The following IRF6 variants were observed in gnomAD, a reference collection of about 807,000 sequenced individuals.
IRF6 encodes the protein interferon regulatory factor 6.
Under a neutral mutation model 51.4 loss-of-function variants are expected in IRF6, and 6 were observed. The observed-to-expected ratio is 0.12, with a 90% CI of 0.06 to 0.23. The LOEUF is 0.23. Ranked by LOEUF, IRF6 falls within the 10% of genes least tolerant of loss-of-function variation. The pLI is 1.00. For synonymous variants in IRF6, 178 were observed against 215.7 expected (o/e 0.83, Z 1.53); for missense variants, 348 against 585.2 (o/e 0.59, Z 4.18).
chr1:209,799,458 C>T (rs2077926141), intron 3 of IRF6, among the ~76,000 whole-genome samples: 1 of 152,216 alleles, frequency 6.6e-6, no homozygotes. Flanking sequence ...ATAATGGACA[C>T]AGACACCCAT....
In IRF6 at chr1:209,788,544, T is replaced by C; in HGVS notation, c.1280A>G (p.Asp427Gly). Residue 427 changes from aspartate (D) to glycine (G), a missense_variant, in exon 9 of 9, where the codon GAC (aspartate) becomes GGC (glycine). By Grantham distance (94) the Asp-to-Gly change is moderately conservative. Transcript: ENST00000367021. ...CTGAGCAACGATGTTATCCTTGATGTCTGGGGTTGAGATCTGCAGGCGGAC... is the reference window on the plus strand; with the variant it reads ...CTGAGCAACGATGTTATCCTTGATGCCTGGGGTTGAGATCTGCAGGCGGAC... ...GSVRLQISTP[D>G]IKDNIVAQLK... 6.2e-7 allele frequency: 1 copy of C among 1,614,136 alleles called. No individual in the cohort carries two copies. Among genetic ancestry groups the C allele is most frequent in the Non-Finnish European group, 8.5e-7 (1 of 1,180,020 alleles).
At position 209,787,747 on chromosome 1, in the gene IRF6, C is replaced by G. The variant is rs1178341735; in HGVS notation, c.*673G>C. 6.6e-6 allele frequency: 1 copy of G among 152,292 alleles called. No individual in the cohort carries two copies. The highest frequency in any genetic ancestry group is 1.5e-5 in the Non-Finnish European group (1 of 68,176). 9.4% of individuals were successfully genotyped at this position (152,292 alleles called of 1,614,324 possible). On this transcript the variant is annotated 3_prime_UTR_variant, in exon 9 of 9. Transcript: ENST00000367021. ...TAGAAGCCAAATTTGTGAGCTTTCA[C>G]TCCACAGGCTGGGTGACTTTCAGAC...
chr1:209,804,969 T>G (rs1374041921), intron 1 of IRF6, among the ~76,000 whole-genome samples: 2 of 152,214 alleles, frequency 1.3e-5, no homozygotes, highest in African/African-American at 2.4e-5. Flanking sequence ...CTTCCCTGTT[T>G]AGCCCTGCTT....
intron 8 of IRF6, 41 bp downstream of exon 8, chr1:209,789,626 C>G: frequency 1.4e-6 from 2 of 1,464,658 alleles, no homozygotes; most frequent in African/African-American, 2.8e-5. Flanking sequence ...TAAGCATTGG[C>G]AAAAAGATGA....
rs1404291807 is a variant in IRF6, at chr1:209,801,419, G to A, written c.-3-3C>T. The A allele has an allele frequency of 1.3e-6, 2 of 1,571,196 alleles. No individual in the cohort carries two copies. Among genetic ancestry groups the A allele is most frequent in the South Asian group, 2.3e-5 (2 of 85,702 alleles). On this transcript the variant is annotated splice_region_variant and splice_polypyrimidine_tract_variant and intron_variant, in intron 2 of 8. Transcript: ENST00000367021. ...CTGCGGGGGTGGAGGGCCATGATCT[G>A]GGGGGGTCAGAGGGAGAAATGGGAA...
chr1:209,790,481 G>A lies in IRF6; in HGVS notation c.1060+14C>T. The A allele has an allele frequency of 6.2e-7, 1 of 1,613,050 alleles. No homozygotes were observed. The highest frequency in any genetic ancestry group is 8.5e-7 in the Non-Finnish European group (1 of 1,179,738). ...GAGTGATTCCCACGATCAACTTTCTGAGAAATGACTTACCGCTAAGGAATG... is the reference window on the plus strand; with the variant it reads ...GAGTGATTCCCACGATCAACTTTCTAAGAAATGACTTACCGCTAAGGAATG... On this transcript the variant is annotated intron_variant, in intron 7 of 8. Coordinates refer to ENST00000367021, the MANE Select transcript of IRF6 (RefSeq NM_006147.4). The surrounding 1 kb of genome is among the most constrained non-coding windows in gnomAD (Gnocchi z 4.8).
chr1:209,786,945 G>A lies in IRF6; in HGVS notation c.*1475C>T, dbSNP rs1192174734. 6.6e-6 allele frequency: 1 copy of A among 152,278 alleles called. No individual in the cohort carries two copies. Among genetic ancestry groups the A allele is most frequent in the Non-Finnish European group, 1.5e-5 (1 of 68,122 alleles). The allele number at this position is 152,278 out of a possible 1,614,324, so 9.4% of individuals were successfully genotyped here. On this transcript the variant is annotated 3_prime_UTR_variant, in exon 9 of 9. Coordinates refer to ENST00000367021, the MANE Select transcript of IRF6 (RefSeq NM_006147.4). ...ATAGGCATCACTATTCAAGAGGACT[G>A]GGGCTTGCAACCACAGATTAGCATC...
intron 1 of IRF6, among the ~76,000 whole-genome samples, chr1:209,805,213 C>A (rs1311019239): frequency 6.6e-6 from 1 of 152,276 alleles, no homozygotes; most frequent in East Asian, 1.9e-4. Context: ...TGACATCCAC[C>A]AAGAGAACAG....
At position 209,788,471 on chromosome 1, in the gene IRF6, G is replaced by A; in HGVS notation, c.1353C>T (p.Pro451=). 1 of 1,614,106 alleles carries A rather than the reference G, an allele frequency of 6.2e-7. No homozygotes were observed. The highest frequency in any genetic ancestry group is 1.1e-5 in the South Asian group (1 of 91,084). Reference sequence around the variant, plus strand: ...GTTGCATGCTGGGGGTGGGCTGCATGGGCTGCCAGCTCTCCTGGGTTTGAA... The same window carrying A: ...GTTGCATGCTGGGGGTGGGCTGCATAGGCTGCCAGCTCTCCTGGGTTTGAA... ...RILQTQESWQ[P]MQPTPSMQLP... is the part of the protein sequence containing the mutation. The change falls in exon 9 of 9, where the codon CCC becomes CCT. Residue 451 remains proline, a synonymous_variant. Coordinates refer to ENST00000367021, the MANE Select transcript of IRF6 (RefSeq NM_006147.4).
Position 209,795,339 on chromosome 1 carries a change from C to A in IRF6, c.459G>T (p.Ser153=), listed in dbSNP as rs2013162. ...TGTCCTGGATGGGAACATGGTGCTGCGACTGATCCAGCTCATCTTCCTCAT... is the reference window on the plus strand; with the variant it reads ...TGTCCTGGATGGGAACATGGTGCTGAGACTGATCCAGCTCATCTTCCTCAT... ...EEDEEDELDQ[S]QHHVPIQDTF... is the part of the protein sequence containing the mutation. The change falls in exon 5 of 9, where the codon TCG becomes TCT. Residue 153 remains serine (S), a synonymous_variant. Coordinates refer to ENST00000367021, the MANE Select transcript of IRF6 (RefSeq NM_006147.4). 618,213 of 1,613,602 alleles carry A rather than the reference C, an allele frequency of 0.38. 121,060 individuals carry two copies. Among genetic ancestry groups the A allele is most frequent in the East Asian group, 0.57 (25,504 of 44,870 alleles).
intron 5 of IRF6, 65 bp downstream of exon 5, chr1:209,795,225 A>G (rs1036122800): frequency 1.9e-6 from 3 of 1,574,098 alleles, no homozygotes; most frequent in Admixed American, 1.7e-5. Flanking sequence ...ATGTATTGAC[A>G]GTCCCAAGGT....
Position 209,801,183 on chromosome 1 carries a change from CAAAAAAAAA to C in IRF6, c.174+48_174+56del, listed in dbSNP as rs35878470. 3.3e-4 allele frequency: 348 copies of C among 1,046,020 alleles called. 2 individuals are homozygous for C. The African/African-American group carries it at 6.6e-3, about 20-fold the overall frequency. 64.8% of individuals were successfully genotyped at this position (1,046,020 alleles called of 1,614,324 possible). Reference sequence around the variant, plus strand: ...TTTAGATCTAGTGTATTCCCCATGCCAAAAAAAAAAAAAAAAAAAAATCCAGAAAGGTCT... The same window carrying C: ...TTTAGATCTAGTGTATTCCCCATGCCAAAAAAAAAAAATCCAGAAAGGTCT... On this transcript the variant is annotated intron_variant, in intron 3 of 8. Transcript: ENST00000367021.
intron 4 of IRF6, among the ~76,000 whole-genome samples, chr1:209,795,714 T>C (rs1184568482): frequency 6.6e-6 from 1 of 152,240 alleles, no homozygotes; most frequent in Non-Finnish European, 1.5e-5. Flanking sequence ...ATCCTATGAA[T>C]TAAACGATCA....
At chr1:209,798,595 C>T (rs185231751) in intron 3 of IRF6, among the ~76,000 whole-genome samples, 5 of 152,172 alleles carry the variant, frequency 3.3e-5, no homozygotes, top group Admixed American at 6.5e-5. Flanking sequence ...AGAGCCGTAT[C>T]GTTTAAGACT....
At position 209,785,974 on chromosome 1, in the gene IRF6, TA is replaced by T. The variant is rs146572469; in HGVS notation, c.*2445del. 6.6e-6 allele frequency: 1 copy of T among 152,318 alleles called. No individual in the cohort carries two copies. The highest frequency in any genetic ancestry group is 1.5e-5 in the Non-Finnish European group (1 of 68,046). The allele number at this position is 152,318 out of a possible 1,614,324, so 9.4% of individuals were successfully genotyped here. ...CAGTTTACCTCCAGTAGGTTCTTTT[TA>T]ACTTGAACTAATCTTGTTTGGTGGG... is the stretch of plus-strand genomic sequence containing the variant. On this transcript the variant is annotated 3_prime_UTR_variant, in exon 9 of 9. Coordinates refer to ENST00000367021, the MANE Select transcript of IRF6 (RefSeq NM_006147.4).
chr1:209,804,660 T>C (rs1044951302), intron 1 of IRF6, among the ~76,000 whole-genome samples: 2 of 152,136 alleles, frequency 1.3e-5, no homozygotes, highest in African/African-American at 4.8e-5. Context: ...AACCTATCTA[T>C]TCCCCTCACA....
chr1:209,794,451 AG>A (rs1408149421), intron 5 of IRF6, among the ~76,000 whole-genome samples: 1 of 152,228 alleles, frequency 6.6e-6, no homozygotes, highest in African/African-American at 2.4e-5. Flanking sequence ...TGATTCTCAA[AG>A]GTAGAGGCAT....
At chr1:209,802,214 G>C (rs1032983794) in intron 1 of IRF6, 171 bp from the exon 2 acceptor site, 2 of 152,246 alleles carry the variant, frequency 1.3e-5, no homozygotes, top group Non-Finnish European at 2.9e-5. Context: ...AGAGTACTTA[G>C]AGTACTAAAA....
intron 3 of IRF6, among the ~76,000 whole-genome samples, chr1:209,799,423 A>G (rs1270958362): frequency 6.6e-6 from 1 of 152,240 alleles, no homozygotes; most frequent in Admixed American, 6.5e-5. Flanking sequence ...CCTCCCTTAC[A>G]GGGTTGTCAC....
Sources: allele counts gnomAD v4.1 joint callset (sites outside exome capture counted in the v4.1 genomes callset), GRCh38; gene constraint gnomAD v4.1.1; non-coding constraint Gnocchi (gnomAD v3.1); transcripts MANE v1.5; gene names NCBI Gene and HGNC (gene_info 2026-07-23, HGNC 2026-07-21).